Variants in LRRC4C observed in about 807,000 individuals in gnomAD.
The protein encoded by LRRC4C is leucine-rich repeat-containing protein 4C.
Under a neutral mutation model 33.6 loss-of-function variants are expected in LRRC4C, and 5 were observed. That is an observed-to-expected ratio of 0.15 (90% confidence interval 0.08 to 0.31). The LOEUF is 0.31. Among genes scored for constraint, LRRC4C ranks in the 10% least tolerant of loss-of-function variants. The pLI is 1.00. For missense variants in LRRC4C, 560 were observed against 796.7 expected (o/e 0.70, Z 3.58); for synonymous variants, 329 against 302.0 (o/e 1.09, Z -0.93).
chr11:40,600,142 GGTGACT>G (rs1959833601), intron 3 of LRRC4C, among the ~76,000 whole-genome samples: 1 of 152,120 alleles, frequency 6.6e-6, no homozygotes. Flanking sequence ...GGAAGTTCAG[GGTGACT>G]AGAGGATTGG....
intron 3 of LRRC4C, among the ~76,000 whole-genome samples, chr11:40,601,012 T>A (rs953571843): frequency 1.3e-5 from 2 of 152,146 alleles, no homozygotes; most frequent in Non-Finnish European, 2.9e-5. Flanking sequence ...ACTCTGATAA[T>A]TTTTTTAAGA....
intron 3 of LRRC4C, among the ~76,000 whole-genome samples, chr11:40,581,879 G>A (rs1272636218): frequency 6.6e-6 from 1 of 151,910 alleles, no homozygotes; most frequent in African/African-American, 2.4e-5. Flanking sequence ...CTCCAGCCTG[G>A]GTGACAGAGC....
At chr11:40,921,325 G>T (rs1957167154) in intron 2 of LRRC4C, among the ~76,000 whole-genome samples, 1 of 152,142 alleles carries the variant, frequency 6.6e-6, no homozygotes, top group Non-Finnish European at 1.5e-5. Context: ...AACTAAATCT[G>T]TCATTATTAA....
At chr11:41,255,553 AT>A (rs1441658650) in intron 1 of LRRC4C, among the ~76,000 whole-genome samples, 1 of 151,884 alleles carries the variant, frequency 6.6e-6, no homozygotes, top group Non-Finnish European at 1.5e-5. Flanking sequence ...TTCTGTATTC[AT>A]TTTTATGTAC....
chr11:40,513,028 T>A (rs11035880), intron 3 of LRRC4C, among the ~76,000 whole-genome samples: 65,270 of 151,792 alleles, frequency 0.43, 14,383 homozygotes, highest in Non-Finnish European at 0.46. Context: ...GGCGGGCAGA[T>A]CACGAGGTCA....
In LRRC4C at chr11:40,279,706, A is replaced by T. The variant is rs72891095; in HGVS notation, c.-175-38108T>A. Reference sequence around the variant, plus strand: ...ATAAATAAATTGCCTGAAACCACAGATCTAAGAGGTAACAGAGCTTTTACT... The same window carrying T: ...ATAAATAAATTGCCTGAAACCACAGTTCTAAGAGGTAACAGAGCTTTTACT... On this transcript the variant is annotated intron_variant, in intron 4 of 6. Transcript: ENST00000528697. Among the ~76,000 whole-genome samples, 36 of 152,180 alleles carry T rather than the reference A, an allele frequency of 2.4e-4. 1 individual carries two copies. The South Asian group carries it at 7.3e-3, about 31-fold the overall frequency.
chr11:41,416,447 C>A (rs1199707403), intron 1 of LRRC4C, among the ~76,000 whole-genome samples: 2 of 151,996 alleles, frequency 1.3e-5, no homozygotes, highest in Admixed American at 1.3e-4. Context: ...GAACATCAGG[C>A]CTTCTGACTT....
At chr11:41,411,402 C>A (rs1415188880) in intron 1 of LRRC4C, among the ~76,000 whole-genome samples, 1 of 151,590 alleles carries the variant, frequency 6.6e-6, no homozygotes, top group Admixed American at 6.6e-5. Context: ...CCCACCTCCG[C>A]CTCCCAAAGT....
At chr11:40,878,753 TATATC>T (rs1955035384) in intron 2 of LRRC4C, among the ~76,000 whole-genome samples, 1 of 152,216 alleles carries the variant, frequency 6.6e-6, no homozygotes, top group African/African-American at 2.4e-5. Context: ...GAAATTATGT[TATATC>T]AGATTATTAG....
chr11:40,500,293 T>TATACACACAC (rs1394949843), intron 3 of LRRC4C, among the ~76,000 whole-genome samples: 14 of 96,860 alleles, frequency 1.4e-4, no homozygotes, highest in Admixed American at 1.2e-3. Context: ...TATATATATA[T>TATACACACAC]ACACACACAC....
chr11:41,109,568 T>C (rs1176886443), intron 1 of LRRC4C, among the ~76,000 whole-genome samples: 3 of 152,142 alleles, frequency 2.0e-5, no homozygotes, highest in Non-Finnish European at 1.5e-5. Context: ...TTGGAAAGTC[T>C]CCTTCTTTAC....
chr11:40,575,847 CCTT>C (rs1255749196), intron 3 of LRRC4C, among the ~76,000 whole-genome samples: 1 of 152,096 alleles, frequency 6.6e-6, no homozygotes, highest in Non-Finnish European at 1.5e-5. Context: ...TGGAAAAACT[CCTT>C]CACACAGGAA....
intron 3 of LRRC4C, among the ~76,000 whole-genome samples, chr11:40,472,595 A>G (rs1952998064): frequency 6.6e-6 from 1 of 151,672 alleles, no homozygotes; most frequent in Non-Finnish European, 1.5e-5. Flanking sequence ...GCAGAAGACA[A>G]GAAATAACTA....
At chr11:41,012,007 A>G (rs188349055) in intron 1 of LRRC4C, among the ~76,000 whole-genome samples, 6 of 151,032 alleles carry the variant, frequency 4.0e-5, no homozygotes, top group Admixed American at 2.6e-4. Flanking sequence ...ATAATTAAAT[A>G]TAATCCTATA....
intron 1 of LRRC4C, among the ~76,000 whole-genome samples, chr11:41,203,931 G>A (rs1347948562): frequency 6.6e-6 from 1 of 152,084 alleles, no homozygotes; most frequent in Non-Finnish European, 1.5e-5. Context: ...AAAAGTAGAA[G>A]GTATTTCACC....
At chr11:40,911,454 G>A (rs1243279623) in intron 2 of LRRC4C, among the ~76,000 whole-genome samples, 7 of 152,084 alleles carry the variant, frequency 4.6e-5, no homozygotes, top group South Asian at 2.1e-4. Flanking sequence ...GTGGACCTCC[G>A]GCAAACTCCA....
Position 40,901,999 on chromosome 11 carries a change from T to TACACAC in LRRC4C, c.-407+31630_-407+31635dup, listed in dbSNP as rs369525560. On this transcript the variant is annotated intron_variant, in intron 2 of 6. Transcript: ENST00000528697. ...AAGACAATCTCTCTCTCTCTCTCTC[T>TACACAC]ACACACACACACACACACACACACA... is the stretch of plus-strand genomic sequence containing the variant. Among the ~76,000 whole-genome samples the TACACAC allele has an allele frequency of 3.3e-3, 460 of 139,834 alleles. 2 individuals carry two copies. The highest frequency in any genetic ancestry group is 5.2e-3 in the Admixed American group (71 of 13,718). The allele number at this position is 139,834 out of a possible 152,430, so 91.7% of individuals were successfully genotyped here. A position where few individuals can be genotyped will look rare whatever the true frequency, so the allele number is the denominator to read the frequency against.
intron 3 of LRRC4C, among the ~76,000 whole-genome samples, chr11:40,548,800 A>G (rs577753592): frequency 6.6e-6 from 1 of 152,146 alleles, no homozygotes; most frequent in Non-Finnish European, 1.5e-5. Context: ...AACCCTATGT[A>G]ATAAATAAGA....
intron 1 of LRRC4C, among the ~76,000 whole-genome samples, chr11:41,011,855 C>T (rs199874125): frequency 1.1e-4 from 4 of 37,446 alleles, no homozygotes; most frequent in African/African-American, 1.5e-4. Context: ...TATTATGTTA[C>T]ATGTATTTTT....
Sources: allele counts gnomAD v4.1 joint callset (sites outside exome capture counted in the v4.1 genomes callset), GRCh38; gene constraint gnomAD v4.1.1; transcripts MANE v1.5; gene names NCBI Gene and HGNC (gene_info 2026-07-23, HGNC 2026-07-21).